CSMD1: variants seen among roughly 807,000 people sequenced by gnomAD.
The protein encoded by CSMD1 is CUB and sushi domain-containing protein 1.
CSMD1 carries 213 observed loss-of-function variants against 417.5 expected under a neutral mutation model. The observed-to-expected ratio is 0.51, with a 90% CI of 0.46 to 0.57. The LOEUF (loss-of-function observed/expected upper bound fraction) is 0.57, where lower values mean the gene tolerates loss of function less well. CSMD1 is among the 20% of genes least tolerant of loss of function. The pLI, the probability that CSMD1 is intolerant of heterozygous loss-of-function variation, is 0.00. For missense variants in CSMD1, 6,923 were observed against 4,529.7 expected, an observed-to-expected ratio of 1.53 and a Z score of -15.17; for synonymous variants, 2,862 against 1,736.8, an observed-to-expected ratio of 1.65 and a Z score of -16.11.
intron 17 of CSMD1, among the ~76,000 whole-genome samples, chr8:3,392,144 A>G (rs1238687355): frequency 6.6e-6 from 1 of 151,316 alleles, no homozygotes; most frequent in African/African-American, 2.4e-5. Context: ...ATTAGGAGAT[A>G]TACCTAATGT....
intron 11 of CSMD1, among the ~76,000 whole-genome samples, chr8:3,486,128 G>C (rs537510617): frequency 1.3e-5 from 2 of 152,084 alleles, no homozygotes; most frequent in South Asian, 2.1e-4. Flanking sequence ...CTCTTTCCTT[G>C]TTTCTTTCTG....
chr8:3,391,605 G>C (rs762405502), intron 17 of CSMD1, among the ~76,000 whole-genome samples: 1 of 152,146 alleles, frequency 6.6e-6, no homozygotes, highest in East Asian at 1.9e-4. Flanking sequence ...GCATGAAGCA[G>C]AACTGCAATT....
intron 11 of CSMD1, among the ~76,000 whole-genome samples, chr8:3,491,496 TG>T (rs1818378088): frequency 6.6e-6 from 1 of 152,202 alleles, no homozygotes; most frequent in Admixed American, 6.5e-5. Context: ...TAATAAGTTG[TG>T]GTCCAGCAAC....
At chr8:3,843,182 ATTGT>A (rs754191889) in intron 5 of CSMD1, among the ~76,000 whole-genome samples, 7 of 152,110 alleles carry the variant, frequency 4.6e-5, no homozygotes, top group African/African-American at 7.2e-5. Flanking sequence ...TGGCTTGTAA[ATTGT>A]TTGTTTCCTT....
intron 1 of CSMD1, among the ~76,000 whole-genome samples, chr8:4,963,723 T>G (rs1809670155): frequency 6.6e-6 from 1 of 152,174 alleles, no homozygotes; most frequent in Non-Finnish European, 1.5e-5. Flanking sequence ...ACCATACAAT[T>G]TTAACACTCA....
At chr8:4,011,593 C>G (rs534406128) in intron 4 of CSMD1, among the ~76,000 whole-genome samples, 1 of 152,196 alleles carries the variant, frequency 6.6e-6, no homozygotes, top group African/African-American at 2.4e-5. Context: ...ATTCATCTCA[C>G]TCAAGATCTC....
intron 2 of CSMD1, among the ~76,000 whole-genome samples, chr8:4,466,568 T>G (rs142794782): frequency 8.1e-4 from 123 of 152,304 alleles, no homozygotes; most frequent in Admixed American, 2.1e-3. Context: ...GGCAAACAAA[T>G]GCCAACAGTG....
chr8:4,339,675 G>T (rs1800365939), intron 3 of CSMD1, among the ~76,000 whole-genome samples: 1 of 152,032 alleles, frequency 6.6e-6, no homozygotes. Flanking sequence ...TGTTTGGATG[G>T]CCAAACAGTT....
intron 26 of CSMD1, among the ~76,000 whole-genome samples, chr8:3,269,464 C>T (rs1471991525): frequency 2.6e-5 from 4 of 152,230 alleles, no homozygotes; most frequent in African/African-American, 4.8e-5. Flanking sequence ...AAGGCCTCTC[C>T]TGTAATAAAC....
intron 10 of CSMD1, among the ~76,000 whole-genome samples, chr8:3,521,334 C>G (rs899698944): frequency 2.0e-5 from 3 of 152,146 alleles, no homozygotes; most frequent in African/African-American, 7.2e-5. Context: ...CTTTTCACCT[C>G]TGTTTCTTTG....
Position 3,284,444 on chromosome 8 carries a change from C to T in CSMD1, c.3951-98G>A, listed in dbSNP as rs1029892489. 1.9e-5 allele frequency: 16 copies of T among 845,204 alleles called. No individual in the cohort carries two copies. In the African/African-American group the frequency reaches 2.7e-4, roughly 14 times the overall value. 52.4% of individuals were successfully genotyped at this position (845,204 alleles called of 1,614,324 possible). A position where few individuals can be genotyped will look rare whatever the true frequency, so the allele number is the denominator to read the frequency against. ...CAAGCTCATTTCGCTTTCACACAAC[C>T]CCCACCAACATGTGCCTCGGTACTT... On this transcript the variant is annotated intron_variant, in intron 25 of 69. Coordinates refer to ENST00000635120, the MANE Select transcript of CSMD1 (RefSeq NM_033225.6).
At chr8:3,379,932 G>C (rs1810531034) in intron 18 of CSMD1, among the ~76,000 whole-genome samples, 2 of 152,102 alleles carry the variant, frequency 1.3e-5, no homozygotes, top group South Asian at 2.1e-4. Context: ...CACTGCAAAA[G>C]AAAGTACCTC....
At chr8:3,963,097 A>T (rs1812437511) in intron 5 of CSMD1, among the ~76,000 whole-genome samples, 1 of 151,964 alleles carries the variant, frequency 6.6e-6, no homozygotes, top group Non-Finnish European at 1.5e-5. Flanking sequence ...CGTCTGGCTA[A>T]TTTTTGTGTT....
chr8:3,589,379 G>GGTGTGT (rs58729391), intron 8 of CSMD1, among the ~76,000 whole-genome samples: 1,701 of 150,040 alleles, frequency 0.011, 31 homozygotes, highest in African/African-American at 0.039. Flanking sequence ...AAGAAAATGT[G>GGTGTGT]GTGTGTGTGT....
At chr8:3,074,985 C>CT (rs778173677) in intron 49 of CSMD1, among the ~76,000 whole-genome samples, 20 of 152,266 alleles carry the variant, frequency 1.3e-4, no homozygotes, top group Admixed American at 6.5e-4. Context: ...TCATGAATGG[C>CT]TTAGCACCTT....
At chr8:4,726,211 C>A (rs1418520102) in intron 1 of CSMD1, among the ~76,000 whole-genome samples, 2 of 151,990 alleles carry the variant, frequency 1.3e-5, no homozygotes, top group African/African-American at 2.4e-5. Context: ...GCTGTGGCTT[C>A]ATCACCCATA....
intron 3 of CSMD1, among the ~76,000 whole-genome samples, chr8:4,268,863 C>A (rs942484365): frequency 6.6e-6 from 1 of 152,078 alleles, no homozygotes; most frequent in Admixed American, 6.6e-5. Flanking sequence ...TAAAACAAAT[C>A]CCTTTCCACA....
At chr8:4,193,091 A>T (rs1799123904) in intron 3 of CSMD1, among the ~76,000 whole-genome samples, 1 of 152,204 alleles carries the variant, frequency 6.6e-6, no homozygotes, top group South Asian at 2.1e-4. Flanking sequence ...GAGCAGTGAC[A>T]TGTGCCTTAA....
rs151030898 is a variant in CSMD1, at chr8:4,833,342, G to A, written c.85+160990C>T. On this transcript the variant is annotated intron_variant, in intron 1 of 69. Coordinates refer to ENST00000635120, the MANE Select transcript of CSMD1 (RefSeq NM_033225.6). ...TCTTCATGTGGCAGCAGAAGACAAT[G>A]GTGAAGGAGGAAGTGCTACACACTT... Among the ~76,000 whole-genome samples the A allele has an allele frequency of 6.0e-3, 908 of 152,270 alleles. 12 individuals carry two copies. Among genetic ancestry groups the A allele is most frequent in the African/African-American group, 0.021 (877 of 41,548 alleles).
Sources: gnomAD v4.1 joint callset for allele counts (sites outside exome capture counted in the v4.1 genomes callset) on GRCh38, gnomAD v4.1.1 for gene constraint, MANE v1.5 for transcripts, NCBI Gene and HGNC (gene_info 2026-07-23, HGNC 2026-07-21) for gene names.